Variants in TRPV1 observed in about 807,000 individuals in gnomAD.
TRPV1 encodes transient receptor potential cation channel subfamily V member 1.
In TRPV1, 82 loss-of-function variants were observed where a neutral mutation model predicts 82.3. That is an observed-to-expected ratio of 1.00 (90% CI 0.83 to 1.20). TRPV1 has a LOEUF of 1.20. TRPV1 is among the 50% of genes most tolerant of loss of function. TRPV1 has a pLI of 0.00. For synonymous variants in TRPV1, 515 were observed against 467.7 expected (o/e 1.10, Z -1.30); for missense variants, 1,067 against 1,096.8 (o/e 0.97, Z 0.38).
chr17:3,574,145 AAAAT>A (rs200368682), intron 13 of TRPV1, among the ~76,000 whole-genome samples, 190 bp from the exon 14 acceptor site: 2 of 152,222 alleles, frequency 1.3e-5, no homozygotes, highest in Non-Finnish European at 2.9e-5. Flanking sequence ...ATCTGCTAGA[AAAAT>A]AAATAAATAT....
chr17:3,570,467 G>C (rs1179180606), intron 16 of TRPV1, among the ~76,000 whole-genome samples: 1 of 151,926 alleles, frequency 6.6e-6, no homozygotes, highest in Non-Finnish European at 1.5e-5. Flanking sequence ...ACTTCAAAAG[G>C]ATTTAAATGG....
At position 3,583,391 on chromosome 17, in the gene TRPV1, C is replaced by G; in HGVS notation, c.1423G>C (p.Val475Leu). 1 of 1,610,342 alleles carries G rather than the reference C, an allele frequency of 6.2e-7. No individual in the cohort carries two copies. Among genetic ancestry groups the G allele is most frequent in the Non-Finnish European group, 8.5e-7 (1 of 1,178,300 alleles). The part of the protein sequence containing the change: ...KMEKTGDYFR[V>L]TGEILSVLGG... The stretch of plus-strand genomic sequence containing the variant: ...AACACAGACAGGATCTCTCCAGTAA[C>G]TCGGAAATAGTCTCCAGTTTTTTCC... The change falls in exon 10 of 17, where the codon GTT becomes CTT. Residue 475 changes from valine to leucine, a missense_variant. Transcript: ENST00000572705.
intron 2 of TRPV1, among the ~76,000 whole-genome samples, chr17:3,603,197 C>T (rs993484488): frequency 4.6e-5 from 7 of 152,008 alleles, no homozygotes; most frequent in Admixed American, 6.6e-5. Context: ...TTCCTGTCAC[C>T]GGGTGCCCAA....
intron 16 of TRPV1, among the ~76,000 whole-genome samples, chr17:3,568,140 G>C (rs1484597973): frequency 6.6e-6 from 1 of 152,014 alleles, no homozygotes; most frequent in African/African-American, 2.4e-5. Flanking sequence ...GGCTAACATG[G>C]TGAAACCCCG....
At chr17:3,588,736 C>T (rs2075114871) in intron 7 of TRPV1, among the ~76,000 whole-genome samples, 1 of 151,422 alleles carries the variant, frequency 6.6e-6, no homozygotes, top group South Asian at 2.1e-4. Flanking sequence ...ATCACTTGAA[C>T]CTGATAGGCA....
intron 9 of TRPV1, chr17:3,585,172 CAG>C (rs918431778): frequency 7.3e-5 from 11 of 149,670 alleles, no homozygotes; most frequent in African/African-American, 2.7e-4. Context: ...TTTTTTGAGA[CAG>C]AGTTTCACTC....
At chr17:3,587,458 C>T (rs187600908) in intron 8 of TRPV1, among the ~76,000 whole-genome samples, 2 of 152,274 alleles carry the variant, frequency 1.3e-5, no homozygotes, top group African/African-American at 2.4e-5. Context: ...TTACTCACTA[C>T]GTAACACTAA....
Position 3,592,193 on chromosome 17 carries a change from C to G in TRPV1, c.158G>C (p.Gly53Ala). Residue 53 changes from glycine to alanine, a missense_variant, in exon 3 of 17, where the codon GGT (glycine) becomes GCT (alanine). Coordinates refer to ENST00000572705, the MANE Select transcript of TRPV1 (RefSeq NM_080704.4). ...CACCGGGAAAGCCTCCTCCGAGTCA[C>G]CCTTCCCAAAGAGCCGGGTGCGGCT... ...AKSRTRLFGK[G>A]DSEEAFPVDC... The G allele has an allele frequency of 6.2e-7, 1 of 1,613,456 alleles. No homozygotes were observed.
chr17:3,597,670 T>G (rs1046496060), intron 2 of TRPV1, among the ~76,000 whole-genome samples: 1 of 124,318 alleles, frequency 8.0e-6, no homozygotes, highest in Non-Finnish European at 1.6e-5. Context: ...CAGTGTCATT[T>G]CCTTTTTTTT....
chr17:3,591,288 C>A lies in TRPV1; in HGVS notation c.350G>T (p.Ser117Ile), dbSNP rs756708941. Reference protein sequence around the residue: ...EKTLRLYDRRSIFEAVAQNNC... With the variant: ...EKTLRLYDRRIIFEAVAQNNC... ...ATTCTGAGCAACGGCTTCAAAGATA[C>A]TCCTGCGATCATAGAGCCTGAGGGT... Residue 117 changes from serine to isoleucine, a missense_variant, in exon 4 of 17, where the codon AGT becomes ATT. Coordinates refer to ENST00000572705, the MANE Select transcript of TRPV1 (RefSeq NM_080704.4). 2 of 1,613,018 alleles carry A rather than the reference C, an allele frequency of 1.2e-6. No homozygotes were observed. The highest frequency in any genetic ancestry group is 1.7e-6 in the Non-Finnish European group (2 of 1,179,710).
chr17:3,606,480 G>A (rs921351160), intron 2 of TRPV1, among the ~76,000 whole-genome samples: 8 of 152,186 alleles, frequency 5.3e-5, no homozygotes, highest in East Asian at 1.9e-4. Context: ...CCCACTGGCC[G>A]AAGCGGATCG....
chr17:3,607,988 G>A (rs1415287418), intron 2 of TRPV1, among the ~76,000 whole-genome samples: 1 of 152,106 alleles, frequency 6.6e-6, no homozygotes. Context: ...GCCAAGGTAA[G>A]TGGATCACCT....
intron 16 of TRPV1, 36 bp from the exon 17 acceptor site, chr17:3,567,023 A>G (rs1428213046): frequency 6.2e-7 from 1 of 1,605,854 alleles, no homozygotes; most frequent in Non-Finnish European, 8.5e-7. Flanking sequence ...TGGATGCAAC[A>G]AAACAAACAT....
Position 3,605,989 on chromosome 17 carries a change from C to T in TRPV1, c.-34+2438G>A, listed in dbSNP as rs912198877. 3.3e-5 allele frequency among the ~76,000 whole-genome samples: 5 copies of T among 152,132 alleles called. No homozygotes were observed. The South Asian group carries it at 8.4e-4, about 26-fold the overall frequency. On this transcript the variant is annotated intron_variant, in intron 2 of 16. Transcript: ENST00000572705. ...TTTATTTATTTTAAAGACAGAATCT[C>T]GCTCTGTCTCCCAGACTGGAGTACA...
chr17:3,571,474 C>T, intron 16 of TRPV1, 50 bp downstream of exon 16: 2 of 1,448,832 alleles, frequency 1.4e-6, no homozygotes, highest in Non-Finnish European at 1.9e-6. Context: ...CCCTGCCCAA[C>T]ATCAGGCCAC....
chr17:3,585,569 G>T (rs1267196648), intron 9 of TRPV1, 199 bp downstream of exon 9: 2 of 617,082 alleles, frequency 3.2e-6, no homozygotes, highest in Non-Finnish European at 5.5e-6. Context: ...GAAGGGGGCG[G>T]GTCTCCTGTA....
intron 9 of TRPV1, 59 bp downstream of exon 9, chr17:3,585,709 C>G: frequency 6.4e-7 from 1 of 1,569,622 alleles, no homozygotes; most frequent in Admixed American, 1.9e-5. Flanking sequence ...CCCGAAATGT[C>G]CACACCCCTT....
chr17:3,581,696 T>C (rs224523), intron 10 of TRPV1, among the ~76,000 whole-genome samples: 60,567 of 135,486 alleles, frequency 0.45, 14,953 homozygotes, highest in East Asian at 0.81. Flanking sequence ...ACCATCCTGG[T>C]TAACATGGTG....
At chr17:3,608,839 T>A (rs887650892) in intron 1 of TRPV1, 1 of 152,198 alleles carries the variant, frequency 6.6e-6, no homozygotes. Flanking sequence ...TTGCACAGTC[T>A]TCCCACAGCA....
Sources: allele counts gnomAD v4.1 joint callset (sites outside exome capture counted in the v4.1 genomes callset), GRCh38; gene constraint gnomAD v4.1.1; transcripts MANE v1.5; gene names NCBI Gene and HGNC (gene_info 2026-07-23, HGNC 2026-07-21).